Variants in HCN1 observed in about 807,000 individuals in gnomAD.
HCN1 encodes potassium/sodium hyperpolarization-activated cyclic nucleotide-gated channel 1.
In HCN1, 13 loss-of-function variants were observed where a neutral mutation model predicts 78.9. The ratio of observed to expected loss-of-function variants is 0.16; its 90% CI spans 0.11 to 0.26. The LOEUF (loss-of-function observed/expected upper bound fraction) is 0.26. HCN1 is among the 10% of genes least tolerant of loss of function. HCN1 has a pLI of 1.00. For synonymous variants in HCN1, 552 were observed against 455.5 expected (o/e 1.21, Z -2.70); for missense variants, 810 against 1,154.3 (o/e 0.70, Z 4.32).
At chr5:45,317,451 C>A (rs1464891387) in intron 5 of HCN1, among the ~76,000 whole-genome samples, 2 of 152,080 alleles carry the variant, frequency 1.3e-5, no homozygotes, top group Non-Finnish European at 2.9e-5. Flanking sequence ...GACCTAAAAC[C>A]ATAAAAACCC....
chr5:45,498,650 G>A (rs1742108142), intron 2 of HCN1, among the ~76,000 whole-genome samples: 2 of 152,168 alleles, frequency 1.3e-5, no homozygotes, highest in African/African-American at 4.8e-5. Context: ...CTTTGGAGGA[G>A]GAGAGGTGCT....
chr5:45,659,589 C>A (rs530122911), intron 1 of HCN1, among the ~76,000 whole-genome samples: 1 of 146,112 alleles, frequency 6.8e-6, no homozygotes, highest in African/African-American at 2.6e-5. Flanking sequence ...CTAGAATAAC[C>A]AATACAGAGA....
intron 2 of HCN1, among the ~76,000 whole-genome samples, chr5:45,600,322 C>A (rs1000030669): frequency 2.0e-5 from 3 of 152,100 alleles, no homozygotes; most frequent in Non-Finnish European, 2.9e-5. Flanking sequence ...TACTTTCTCT[C>A]TTTTTACCAG....
chr5:45,396,919 GTTAC>G (rs1561139721), intron 3 of HCN1, among the ~76,000 whole-genome samples: 1 of 152,166 alleles, frequency 6.6e-6, no homozygotes. Context: ...ACAGTCTGCT[GTTAC>G]TTACATGCGC....
intron 5 of HCN1, among the ~76,000 whole-genome samples, chr5:45,315,371 A>G (rs887016588): frequency 7.2e-5 from 11 of 152,336 alleles, no homozygotes; most frequent in Admixed American, 6.5e-4. Context: ...ACCAATGAGA[A>G]CAAAGACACA....
At chr5:45,522,670 C>T (rs1240384307) in intron 2 of HCN1, among the ~76,000 whole-genome samples, 2 of 150,724 alleles carry the variant, frequency 1.3e-5, no homozygotes, top group East Asian at 3.9e-4. Context: ...CTAATAAAAC[C>T]ATCAAAAAAT....
intron 2 of HCN1, among the ~76,000 whole-genome samples, chr5:45,537,681 G>C (rs1332305189): frequency 2.6e-5 from 4 of 151,300 alleles, no homozygotes; most frequent in Non-Finnish European, 5.9e-5. Flanking sequence ...GGAGTTACAG[G>C]CACCCGCCAC....
chr5:45,671,290 C>T (rs1187160549), intron 1 of HCN1, among the ~76,000 whole-genome samples: 1 of 151,494 alleles, frequency 6.6e-6, no homozygotes, highest in Non-Finnish European at 1.5e-5. Context: ...TTCTCCAGAA[C>T]TTTCCAGCTT....
chr5:45,267,345 G>A, intron 6 of HCN1, 92 bp from the exon 7 acceptor site: 10 of 1,192,130 alleles, frequency 8.4e-6, no homozygotes, highest in Non-Finnish European at 9.7e-6. Context: ...CAAGTCTCAT[G>A]GTGTGAAAAA....
At chr5:45,555,945 G>A (rs527362764) in intron 2 of HCN1, among the ~76,000 whole-genome samples, 1 of 151,764 alleles carries the variant, frequency 6.6e-6, no homozygotes, top group East Asian at 1.9e-4. Context: ...GTGCCAAGAC[G>A]ATACACTAAG....
chr5:45,647,232 G>T (rs1405809458), intron 1 of HCN1, among the ~76,000 whole-genome samples: 6 of 152,094 alleles, frequency 3.9e-5, no homozygotes, highest in Non-Finnish European at 8.8e-5. Flanking sequence ...AACATGTACT[G>T]GCAGTTTAAA....
chr5:45,473,042 T>C (rs1285009088), intron 2 of HCN1, among the ~76,000 whole-genome samples: 1 of 151,968 alleles, frequency 6.6e-6, no homozygotes, highest in Non-Finnish European at 1.5e-5. Context: ...AGAGTTCTAC[T>C]TTCTCCTGCT....
intron 3 of HCN1, among the ~76,000 whole-genome samples, chr5:45,457,105 A>G (rs1561162272): frequency 6.6e-6 from 1 of 152,088 alleles, no homozygotes; most frequent in Non-Finnish European, 1.5e-5. Flanking sequence ...ACTCCCTGAC[A>G]GTAAACCTAT....
At chr5:45,316,651 A>T (rs971300500) in intron 5 of HCN1, among the ~76,000 whole-genome samples, 2 of 152,182 alleles carry the variant, frequency 1.3e-5, no homozygotes, top group Non-Finnish European at 2.9e-5. Flanking sequence ...ACATGACTGT[A>T]TATTTAGAAA....
chr5:45,353,442 T>A (rs2111983458), intron 4 of HCN1, among the ~76,000 whole-genome samples, 196 bp from the exon 5 acceptor site: 2 of 152,104 alleles, frequency 1.3e-5, no homozygotes, highest in East Asian at 3.9e-4. Flanking sequence ...GGCATTTTAT[T>A]TAGGTGCACA....
At chr5:45,534,074 A>AT (rs1302166592) in intron 2 of HCN1, among the ~76,000 whole-genome samples, 2 of 152,020 alleles carry the variant, frequency 1.3e-5, no homozygotes, top group African/African-American at 4.8e-5. Context: ...CCACCTATTG[A>AT]TTACTACCTA....
chr5:45,503,903 A>G (rs1401231199), intron 2 of HCN1, among the ~76,000 whole-genome samples: 1 of 151,884 alleles, frequency 6.6e-6, no homozygotes. Flanking sequence ...CTCCTGCATT[A>G]GCCTCCCAAG....
chr5:45,297,423 C>T (rs1028839095), intron 6 of HCN1, among the ~76,000 whole-genome samples: 1 of 152,076 alleles, frequency 6.6e-6, no homozygotes, highest in Non-Finnish European at 1.5e-5. Context: ...ATTTTGGGGC[C>T]AGTTTATGGC....
chr5:45,599,123 G>C (rs535657317), intron 2 of HCN1, among the ~76,000 whole-genome samples: 2 of 152,058 alleles, frequency 1.3e-5, no homozygotes, highest in Non-Finnish European at 2.9e-5. Context: ...TGTTTATTGC[G>C]GGACTATTCA....
Sources: gnomAD v4.1 joint callset for allele counts (sites outside exome capture counted in the v4.1 genomes callset) on GRCh38, gnomAD v4.1.1 for gene constraint, MANE v1.5 for transcripts, NCBI Gene and HGNC (gene_info 2026-07-23, HGNC 2026-07-21) for gene names.